RFX3: variants seen among roughly 807,000 people sequenced by gnomAD.
RFX3 encodes regulatory factor X3, also known as transcription factor RFX3.
In RFX3, 14 loss-of-function variants were observed where a neutral mutation model predicts 98.6. The observed-to-expected ratio is 0.14, with a 90% CI of 0.09 to 0.22. RFX3 has a LOEUF of 0.22. RFX3 is among the 10% of genes least tolerant of loss of function. The pLI is 1.00. For missense variants in RFX3, 639 were observed against 926.9 expected, an observed-to-expected ratio of 0.69 and a Z score of 4.03; for synonymous variants, 383 against 328.4, an observed-to-expected ratio of 1.17 and a Z score of -1.80.
chr9:3,425,810 C>A (rs1485454657), intron 1 of RFX3, among the ~76,000 whole-genome samples: 1 of 152,114 alleles, frequency 6.6e-6, no homozygotes, highest in Non-Finnish European at 1.5e-5. Context: ...TACCTTAGGT[C>A]CCTGAATCTC....
At chr9:3,246,871 G>C (rs934901014) in intron 15 of RFX3, among the ~76,000 whole-genome samples, 3 of 152,142 alleles carry the variant, frequency 2.0e-5, no homozygotes, top group African/African-American at 7.2e-5. Flanking sequence ...TGGATATACA[G>C]CAAGGGGTTT....
chr9:3,251,007 T>A (rs1437851418), intron 14 of RFX3, among the ~76,000 whole-genome samples: 1 of 152,152 alleles, frequency 6.6e-6, no homozygotes, highest in African/African-American at 2.4e-5. Flanking sequence ...ATACGTACAA[T>A]CGTATATGAA....
At chr9:3,270,214 C>G (rs748527599) in intron 11 of RFX3, among the ~76,000 whole-genome samples, 157 bp downstream of exon 11, 1 of 152,144 alleles carries the variant, frequency 6.6e-6, no homozygotes, top group South Asian at 2.1e-4. Flanking sequence ...CAGTTTTGCT[C>G]TAGGCTGCTT....
At chr9:3,514,463 TTTTGC>T (rs534106449) in intron 1 of RFX3, among the ~76,000 whole-genome samples, 5,166 of 152,100 alleles carry the variant, frequency 0.034, 194 homozygotes, top group African/African-American at 0.09. Context: ...TTTTGTTTTG[TTTTGC>T]TTTGTTTTTT....
intron 15 of RFX3, among the ~76,000 whole-genome samples, chr9:3,236,696 A>G (rs993908526): frequency 6.6e-6 from 1 of 152,168 alleles, no homozygotes; most frequent in Non-Finnish European, 1.5e-5. Flanking sequence ...CAGACACCAC[A>G]TTGCTAGAAG....
chr9:3,329,429 C>CAAACAAAAA (rs1563935297), intron 4 of RFX3, among the ~76,000 whole-genome samples: 2 of 108,282 alleles, frequency 1.8e-5, no homozygotes, highest in African/African-American at 8.6e-5. Context: ...AAAAAAAAAA[C>CAAACAAAAA]AAAAAACCAC....
chr9:3,318,607 T>C (rs1385096748), intron 4 of RFX3, among the ~76,000 whole-genome samples: 1 of 151,628 alleles, frequency 6.6e-6, no homozygotes, highest in Non-Finnish European at 1.5e-5. Context: ...ATGTCCTCTT[T>C]AACCAGAAAG....
At chr9:3,504,428 T>C (rs58933438) in intron 1 of RFX3, among the ~76,000 whole-genome samples, 5,376 of 121,680 alleles carry the variant, frequency 0.044, 333 homozygotes, top group Non-Finnish European at 0.057. Flanking sequence ...TACCACATAG[T>C]ATATATTGTA....
chr9:3,511,201 A>C (rs1489530606), intron 1 of RFX3, among the ~76,000 whole-genome samples: 1 of 152,052 alleles, frequency 6.6e-6, no homozygotes, highest in African/African-American at 2.4e-5. Context: ...TCATTTAATT[A>C]GGTTCAAACA....
intron 3 of RFX3, among the ~76,000 whole-genome samples, chr9:3,332,375 C>T (rs1832695589): frequency 6.6e-6 from 1 of 152,092 alleles, no homozygotes; most frequent in South Asian, 2.1e-4. Flanking sequence ...TAATTTTGTG[C>T]ATGACACCAA....
At chr9:3,353,261 T>C (rs1483505424) in intron 2 of RFX3, among the ~76,000 whole-genome samples, 1 of 151,680 alleles carries the variant, frequency 6.6e-6, no homozygotes, top group Non-Finnish European at 1.5e-5. Context: ...GACGAGTTAA[T>C]GGGTGCAGCA....
At chr9:3,467,209 A>C in intron 1 of RFX3, among the ~76,000 whole-genome samples, 1 of 143,824 alleles carries the variant, frequency 7.0e-6, no homozygotes, top group Middle Eastern at 3.3e-3. Flanking sequence ...GTATGTGTAT[A>C]TACATATATA....
chr9:3,450,776 T>C (rs1262087824), intron 1 of RFX3, among the ~76,000 whole-genome samples: 5 of 152,318 alleles, frequency 3.3e-5, no homozygotes, highest in East Asian at 3.9e-4. Context: ...CAGAAAACAG[T>C]AATAAGAATT....
intron 4 of RFX3, among the ~76,000 whole-genome samples, chr9:3,320,768 C>CATATATATATAT (rs34990458): frequency 8.1e-5 from 7 of 85,890 alleles, no homozygotes; most frequent in Non-Finnish European, 1.7e-4. Context: ...TGCTACATAG[C>CATATATATATAT]ATATATATAT....
intron 1 of RFX3, among the ~76,000 whole-genome samples, chr9:3,506,477 T>C (rs898545317): frequency 1.3e-5 from 2 of 151,822 alleles, no homozygotes; most frequent in Non-Finnish European, 2.9e-5. Context: ...ATATTCAAAG[T>C]AGTCCCCCAA....
rs151299614 is a variant in RFX3 at position 3,248,161 on chromosome 9, G to C, written c.1839C>G (p.Thr613=). ...AGCCAAAGCTAGCAGCACTGCGTAA[G>C]GTTAAGTCCCGAATAACCATTGAGC... ...FYSSMVIRDL[T]LRSAASFGSF... Residue 613 remains threonine, a synonymous_variant, in exon 15 of 17, where the codon ACC becomes ACG. Transcript: ENST00000617270. 8.1e-6 allele frequency: 13 copies of C among 1,611,458 alleles called. No homozygotes were observed. Among genetic ancestry groups the C allele is most frequent in the Admixed American group, 5.0e-5 (3 of 59,898 alleles).
chr9:3,379,622 C>T (rs921460688), intron 2 of RFX3, among the ~76,000 whole-genome samples: 8 of 152,086 alleles, frequency 5.3e-5, no homozygotes, highest in African/African-American at 1.9e-4. Context: ...TTAATAGATT[C>T]AATTTGTAGT....
Position 3,321,827 on chromosome 9 carries a change from C to G in RFX3, c.474+8432G>C, listed in dbSNP as rs1414909990. On this transcript the variant is annotated intron_variant, in intron 4 of 16. Transcript: ENST00000617270. ...TTGATATAAAGACTAATATATGAACCAATCTAATTTTCTTTTATAAATATA... is the reference window on the plus strand; with the variant it reads ...TTGATATAAAGACTAATATATGAACGAATCTAATTTTCTTTTATAAATATA... 2.0e-5 allele frequency among the ~76,000 whole-genome samples: 3 copies of G among 152,048 alleles called. No homozygotes were observed. In the South Asian group the frequency reaches 6.2e-4, roughly 32 times the overall value.
At chr9:3,374,270 T>C (rs909727002) in intron 2 of RFX3, among the ~76,000 whole-genome samples, 1 of 152,188 alleles carries the variant, frequency 6.6e-6, no homozygotes, top group Non-Finnish European at 1.5e-5. Flanking sequence ...GTATAGCAGC[T>C]CCTCAAAATT....
Sources: allele counts gnomAD v4.1 joint callset (sites outside exome capture counted in the v4.1 genomes callset), GRCh38; gene constraint gnomAD v4.1.1; transcripts MANE v1.5; gene names NCBI Gene and HGNC (gene_info 2026-07-23, HGNC 2026-07-21).